GPC6: variants seen among roughly 807,000 people sequenced by gnomAD.
GPC6 encodes the protein glypican-6.
In GPC6, 14 loss-of-function variants were observed where a neutral mutation model predicts 55.2. That is an observed-to-expected ratio of 0.25 (90% CI 0.17 to 0.40). The LOEUF (loss-of-function observed/expected upper bound fraction) is 0.40, where lower values mean the gene tolerates loss of function less well. Ranked by LOEUF, GPC6 falls within the 10% of genes least tolerant of loss-of-function variation. The pLI is 1.00. For missense variants in GPC6, 641 were observed against 708.5 expected, an observed-to-expected ratio of 0.90 and a Z score of 1.08; for synonymous variants, 278 against 259.6, an observed-to-expected ratio of 1.07 and a Z score of -0.68.
At chr13:93,991,437 C>T (rs867192770) in intron 3 of GPC6, among the ~76,000 whole-genome samples, 2 of 152,052 alleles carry the variant, frequency 1.3e-5, no homozygotes, top group East Asian at 1.9e-4. Flanking sequence ...CTATTTTATC[C>T]TTTGTTTGAG....
At chr13:93,320,753 T>C (rs1408042687) in intron 1 of GPC6, among the ~76,000 whole-genome samples, 3 of 152,138 alleles carry the variant, frequency 2.0e-5, no homozygotes, top group Admixed American at 2.0e-4. Flanking sequence ...TAGCAGTTTA[T>C]TAAACTGCAA....
At chr13:93,645,968 G>T (rs1368442032) in intron 2 of GPC6, among the ~76,000 whole-genome samples, 1 of 152,006 alleles carries the variant, frequency 6.6e-6, no homozygotes, top group Non-Finnish European at 1.5e-5. Context: ...AAGAAAAGGC[G>T]CTCGACAGTA....
At chr13:93,766,141 G>A (rs552497132) in intron 2 of GPC6, among the ~76,000 whole-genome samples, 36 of 152,228 alleles carry the variant, frequency 2.4e-4, no homozygotes, top group African/African-American at 8.4e-4. Flanking sequence ...ACAGATTTCT[G>A]TTCCTATTCA....
chr13:93,938,449 G>A (rs1179566620), intron 3 of GPC6, among the ~76,000 whole-genome samples: 1 of 152,116 alleles, frequency 6.6e-6, no homozygotes, highest in East Asian at 1.9e-4. Context: ...AGGCTTTAGA[G>A]ACCCTACCAT....
In GPC6 at chr13:93,631,639, T is replaced by C. The variant is rs142933625; in HGVS notation, c.319+86218T>C. Among the ~76,000 whole-genome samples, 73 of 152,314 alleles carry C rather than the reference T, an allele frequency of 4.8e-4. 1 individual carries two copies. In the East Asian group the frequency reaches 0.013, roughly 27 times the overall value. ...TCCCTACAGTTGCCTTTTGTTTGTA[T>C]TTCATTCTATATTTTCCATGAATTT... is the stretch of plus-strand genomic sequence containing the variant. On this transcript the variant is annotated intron_variant, in intron 2 of 8. Transcript: ENST00000377047.
At chr13:93,510,490 C>T (rs1000814584) in intron 1 of GPC6, among the ~76,000 whole-genome samples, 6 of 152,102 alleles carry the variant, frequency 3.9e-5, no homozygotes, top group African/African-American at 7.2e-5. Context: ...CTGCAAATGA[C>T]GTGATTTTAT....
intron 3 of GPC6, among the ~76,000 whole-genome samples, chr13:93,881,750 T>C (rs1874988224): frequency 6.6e-6 from 1 of 152,156 alleles, no homozygotes; most frequent in South Asian, 2.1e-4. Context: ...CATGAATTCA[T>C]ACTGTCTGAA....
chr13:93,992,177 G>GTGTATA (rs1555347044), intron 3 of GPC6, among the ~76,000 whole-genome samples: 16 of 146,352 alleles, frequency 1.1e-4, no homozygotes, highest in African/African-American at 3.5e-4. Flanking sequence ...AGATATGTGT[G>GTGTATA]TATATATATA....
chr13:94,394,519 T>C (rs1278337779), intron 7 of GPC6, among the ~76,000 whole-genome samples: 1 of 152,162 alleles, frequency 6.6e-6, no homozygotes, highest in South Asian at 2.1e-4. Context: ...CAAAGACATA[T>C]CTATTCTTGC....
chr13:93,393,369 A>T (rs1319350396), intron 1 of GPC6, among the ~76,000 whole-genome samples: 2 of 151,906 alleles, frequency 1.3e-5, no homozygotes, highest in African/African-American at 4.8e-5. Flanking sequence ...AGAACTCCTG[A>T]TCTCGTGATC....
At chr13:94,125,624 G>C (rs574500365) in intron 4 of GPC6, among the ~76,000 whole-genome samples, 11 of 152,152 alleles carry the variant, frequency 7.2e-5, no homozygotes, top group African/African-American at 2.2e-4. Context: ...AACCACCCAG[G>C]AGAGACCTGC....
intron 1 of GPC6, among the ~76,000 whole-genome samples, chr13:93,333,691 C>T (rs1462588977): frequency 6.6e-6 from 1 of 151,972 alleles, no homozygotes; most frequent in Non-Finnish European, 1.5e-5. Context: ...CATGTGCCAC[C>T]ATTCCCAGTT....
intron 2 of GPC6, among the ~76,000 whole-genome samples, chr13:93,680,422 A>G (rs1254017946): frequency 1.3e-5 from 2 of 152,160 alleles, no homozygotes; most frequent in Admixed American, 6.5e-5. Context: ...GGTGCTTTAT[A>G]TGGCAGTGTT....
chr13:93,799,937 C>T (rs1169473171), intron 2 of GPC6, among the ~76,000 whole-genome samples: 1 of 152,106 alleles, frequency 6.6e-6, no homozygotes, highest in African/African-American at 2.4e-5. Context: ...AGAACATTTG[C>T]ATGTGGTGGA....
At chr13:94,232,538 G>C (rs1239711141) in intron 4 of GPC6, among the ~76,000 whole-genome samples, 1 of 151,990 alleles carries the variant, frequency 6.6e-6, no homozygotes, top group Non-Finnish European at 1.5e-5. Context: ...GTTTTTTTTG[G>C]GGGGGTGGGG....
chr13:94,353,858 G>A (rs1418590559), intron 6 of GPC6, among the ~76,000 whole-genome samples: 2 of 152,036 alleles, frequency 1.3e-5, no homozygotes, highest in East Asian at 1.9e-4. Flanking sequence ...AATAACCAAG[G>A]TGTCAGCTTG....
chr13:93,966,130 C>G (rs976274719), intron 3 of GPC6, among the ~76,000 whole-genome samples: 6 of 152,198 alleles, frequency 3.9e-5, no homozygotes, highest in Admixed American at 6.5e-5. Context: ...GGGATCTCCT[C>G]CTGGGGCACC....
intron 3 of GPC6, among the ~76,000 whole-genome samples, chr13:93,883,948 T>C (rs1465924100): frequency 6.6e-6 from 1 of 152,142 alleles, no homozygotes; most frequent in Non-Finnish European, 1.5e-5. Context: ...TATGTAAACA[T>C]TGATAAAGCA....
chr13:93,270,218 C>T (rs1243462235), intron 1 of GPC6, among the ~76,000 whole-genome samples: 1 of 149,488 alleles, frequency 6.7e-6, no homozygotes, highest in African/African-American at 2.5e-5. Context: ...TCACTAATCT[C>T]CAGCCTGGGT....
Sources: allele counts gnomAD v4.1 joint callset (sites outside exome capture counted in the v4.1 genomes callset), GRCh38; gene constraint gnomAD v4.1.1; transcripts MANE v1.5; gene names NCBI Gene and HGNC (gene_info 2026-07-23, HGNC 2026-07-21).